The following DYSF variants were observed in gnomAD, a reference collection of about 807,000 sequenced individuals.
The protein encoded by DYSF is dystrophy-associated fer-1-like 1.
In DYSF, 212 loss-of-function variants were observed where a neutral mutation model predicts 274.9. The ratio of observed to expected loss-of-function variants is 0.77; its 90% CI spans 0.69 to 0.86. The LOEUF (loss-of-function observed/expected upper bound fraction) is 0.86, where lower values mean the gene tolerates loss of function less well. Among genes scored for constraint, DYSF ranks in the 40% least tolerant of loss-of-function variants. The pLI is 0.00. For missense variants in DYSF, 2,666 were observed against 2,783.2 expected, an observed-to-expected ratio of 0.96 and a Z score of 0.95; for synonymous variants, 1,091 against 1,078.7, an observed-to-expected ratio of 1.01 and a Z score of -0.22.
rs868623785 is a variant in DYSF, at chr2:71,559,199, C to T, written c.2217-2553C>T. Among the ~76,000 whole-genome samples the T allele has an allele frequency of 3.2e-4, 48 of 152,314 alleles. 1 individual carries two copies. The highest frequency in any genetic ancestry group is 2.6e-3 in the Admixed American group (40 of 15,298). On this transcript the variant is annotated intron_variant, in intron 22 of 55. Transcript: ENST00000410020. ...GAACCCAAGGTGCTGGACATGTCCA[C>T]GTGGATGTCCCACCAGCACCTCCGT...
chr2:71,618,117 TGTGTGTGGTAGAGGTGGC>T (rs2093957254), intron 40 of DYSF, among the ~76,000 whole-genome samples: 1 of 136,378 alleles, frequency 7.3e-6, no homozygotes, highest in Non-Finnish European at 1.5e-5. Flanking sequence ...AGGTGGGGTG[TGTGTGTGGTAGAGGTGGC>T]GTGTGTGGTA....
chr2:71,656,348 A>ATAAGTGAAGGGGAGGGG, intron 43 of DYSF, 58 bp downstream of exon 43: 1 of 1,609,536 alleles, frequency 6.2e-7, no homozygotes, highest in Non-Finnish European at 8.5e-7. Flanking sequence ...TGTTGGAGCA[A>ATAAGTGAAGGGGAGGGG]TAAGTGAAGG....
At chr2:71,473,370 G>T (rs2082172639) in intron 1 of DYSF, among the ~76,000 whole-genome samples, 2 of 152,092 alleles carry the variant, frequency 1.3e-5, no homozygotes, top group South Asian at 4.2e-4. Context: ...ATTCTAATGG[G>T]GCCGTCAAGA....
chr2:71,603,818 G>C (rs942249688), intron 36 of DYSF, among the ~76,000 whole-genome samples: 1 of 152,136 alleles, frequency 6.6e-6, no homozygotes, highest in Admixed American at 6.5e-5. Flanking sequence ...CCCACAGCCT[G>C]CTCTGAAGAA....
intron 17 of DYSF, among the ~76,000 whole-genome samples, chr2:71,545,766 C>T (rs1421464452): frequency 2.6e-5 from 4 of 152,142 alleles, no homozygotes; most frequent in Non-Finnish European, 5.9e-5. Context: ...GGAGAGTTAA[C>T]ATCCCCCGAC....
At chr2:71,490,002 A>C (rs1392268942) in intron 3 of DYSF, among the ~76,000 whole-genome samples, 1 of 152,186 alleles carries the variant, frequency 6.6e-6, no homozygotes, top group Non-Finnish European at 1.5e-5. Context: ...GGAATACTGA[A>C]GGTGCAATAT....
chr2:71,642,067 A>G (rs2094494257), intron 41 of DYSF, among the ~76,000 whole-genome samples: 1 of 152,160 alleles, frequency 6.6e-6, no homozygotes, highest in South Asian at 2.1e-4. Flanking sequence ...GTTATTCAGG[A>G]TTGAGGGAAG....
chr2:71,660,232 AGG>A (rs1420204386), intron 44 of DYSF, among the ~76,000 whole-genome samples: 10 of 152,334 alleles, frequency 6.6e-5, no homozygotes, highest in Middle Eastern at 3.4e-3. Context: ...GGTCACAGAG[AGG>A]ACCCCAGCCT....
chr2:71,644,367 A>G (rs227780), intron 42 of DYSF, among the ~76,000 whole-genome samples: 129,352 of 152,194 alleles, frequency 0.85, 55,128 homozygotes, highest in Middle Eastern at 0.9. Context: ...TCCCAAGATC[A>G]GGGTGGCCCC....
chr2:71,669,128 A>G lies in DYSF; in HGVS notation c.5563A>G (p.Ile1855Val), dbSNP rs2095071736. Residue 1855 changes from isoleucine to valine, a missense_variant, in exon 50 of 56, where the codon ATT (isoleucine) becomes GTT (valine). Physicochemically the swap from Ile to Val is conservative, Grantham distance 29 (BLOSUM62 3). This residue lies in a region of DYSF where 1,460 missense variants were observed against 1,502.1 expected (regional missense o/e 0.97). Coordinates refer to ENST00000410020, the MANE Select transcript of DYSF (RefSeq NM_001130987.2). Reference protein sequence around the residue: ...RRARRFFLRCIIWNTRDVILD... With the variant: ...RRARRFFLRCVIWNTRDVILD... ...TTTCCCCAGGTTTTTCCTGCGTTGT[A>G]TTATCTGGAATACCAGAGATGTGAT... is the stretch of plus-strand genomic sequence containing the variant. The G allele has an allele frequency of 6.2e-7, 1 of 1,604,966 alleles. No homozygotes were observed. The highest frequency in any genetic ancestry group is 1.3e-5 in the African/African-American group (1 of 74,964).
intron 42 of DYSF, among the ~76,000 whole-genome samples, chr2:71,647,484 G>A (rs2094584882): frequency 6.6e-6 from 1 of 152,160 alleles, no homozygotes; most frequent in Non-Finnish European, 1.5e-5. Context: ...GTATGAACAT[G>A]GCTGCATAAG....
intron 55 of DYSF, 89 bp downstream of exon 55, chr2:71,682,766 T>C: frequency 6.6e-7 from 1 of 1,520,628 alleles, no homozygotes; most frequent in Non-Finnish European, 8.9e-7. Context: ...CCCAGTCTAA[T>C]GGAGAGAAGT....
At chr2:71,612,504 C>A in intron 38 of DYSF, 137 bp from the exon 39 acceptor site, 2 of 1,370,518 alleles carry the variant, frequency 1.5e-6, no homozygotes, top group Non-Finnish European at 1.0e-6. Context: ...GACTGCCCAG[C>A]TCTGGGCCAG....
At position 71,611,457 on chromosome 2, in the gene DYSF, G is replaced by T. The variant is rs948464613; in HGVS notation, c.4060-8G>T. ...TTCTGAGCCACTCTCCTCATTCTGT[G>T]TGCTTAGATCCTGGCATGGGGCCTG... is the stretch of plus-strand genomic sequence containing the variant. On this transcript the variant is annotated splice_polypyrimidine_tract_variant and splice_region_variant and intron_variant, in intron 37 of 55. Transcript: ENST00000410020. The T allele has an allele frequency of 6.2e-7, 1 of 1,614,128 alleles. No individual in the cohort carries two copies. The highest frequency in any genetic ancestry group is 8.5e-7 in the Non-Finnish European group (1 of 1,180,038).
At chr2:71,655,795 A>T (rs556696921) in intron 42 of DYSF, among the ~76,000 whole-genome samples, 1 of 152,322 alleles carries the variant, frequency 6.6e-6, no homozygotes, top group African/African-American at 2.4e-5. Flanking sequence ...TGTACTGCCC[A>T]TGTCTCTGAT....
intron 3 of DYSF, among the ~76,000 whole-genome samples, chr2:71,494,284 C>T (rs1375577922): frequency 6.6e-6 from 1 of 152,212 alleles, no homozygotes; most frequent in African/African-American, 2.4e-5. Flanking sequence ...GGCCAGAACA[C>T]TGTCTAAGTG....
At chr2:71,604,297 T>C (rs1353038720) in intron 36 of DYSF, among the ~76,000 whole-genome samples, 1 of 152,200 alleles carries the variant, frequency 6.6e-6, no homozygotes, top group East Asian at 1.9e-4. Flanking sequence ...CCTCTTCGCT[T>C]TAAGAAGCCC....
chr2:71,664,797 C>A (rs2094964758), intron 46 of DYSF, among the ~76,000 whole-genome samples: 1 of 152,204 alleles, frequency 6.6e-6, no homozygotes, highest in African/African-American at 2.4e-5. Context: ...GATGAGAGGA[C>A]ATGTGTGCTG....
intron 45 of DYSF, among the ~76,000 whole-genome samples, chr2:71,661,797 C>T (rs1464611962): frequency 1.3e-5 from 2 of 152,168 alleles, no homozygotes; most frequent in East Asian, 1.9e-4. Flanking sequence ...TAGTTGTGGT[C>T]ACTCACCCTG....
Sources: allele counts gnomAD v4.1 joint callset (sites outside exome capture counted in the v4.1 genomes callset), GRCh38; gene constraint gnomAD v4.1.1; regional missense constraint gnomAD v4.1.1; transcripts MANE v1.5; gene names NCBI Gene and HGNC (gene_info 2026-07-23, HGNC 2026-07-21).